NAA25: variants seen among roughly 807,000 people sequenced by gnomAD.
NAA25 encodes N-alpha-acetyltransferase 25, NatB auxiliary subunit.
NAA25 carries 30 observed loss-of-function variants against 132.5 expected under a neutral mutation model. That is an observed-to-expected ratio of 0.23 (90% CI 0.17 to 0.31). The LOEUF is 0.31. Among genes scored for constraint, NAA25 ranks in the 10% least tolerant of loss-of-function variants. The probability of loss-of-function intolerance (pLI) is 1.00; values close to 1 mark genes in which losing one functional copy is unlikely to be tolerated. For synonymous variants in NAA25, 359 were observed against 401.9 expected (o/e 0.89, Z 1.28); for missense variants, 771 against 1,150.4 (o/e 0.67, Z 4.77).
chr12:112,058,526 T>A (rs1304124038), intron 13 of NAA25, among the ~76,000 whole-genome samples: 1 of 152,210 alleles, frequency 6.6e-6, no homozygotes, highest in East Asian at 1.9e-4. Context: ...GACAGGGTCC[T>A]GCTCTGTCAC....
At chr12:112,085,504 T>C (rs1187386365) in intron 4 of NAA25, among the ~76,000 whole-genome samples, 3 of 152,098 alleles carry the variant, frequency 2.0e-5, no homozygotes, top group African/African-American at 4.8e-5. Context: ...AATTAACATA[T>C]ACTAGGAACA....
At chr12:112,074,791 A>C in intron 8 of NAA25, 27 bp from the exon 9 acceptor site, 2 of 1,440,678 alleles carry the variant, frequency 1.4e-6, no homozygotes, top group Non-Finnish European at 1.9e-6. Context: ...TGATGCACAC[A>C]GGATTAAACC....
intron 13 of NAA25, among the ~76,000 whole-genome samples, chr12:112,056,376 A>T (rs1269811282): frequency 1.3e-5 from 2 of 151,706 alleles, no homozygotes; most frequent in Non-Finnish European, 2.9e-5. Flanking sequence ...ATTTAAAAAA[A>T]TTTAAAATTA....
intron 5 of NAA25, among the ~76,000 whole-genome samples, chr12:112,080,198 G>A (rs545182820): frequency 1.4e-5 from 2 of 146,420 alleles, no homozygotes; most frequent in South Asian, 2.2e-4. Flanking sequence ...GGAGAATGGC[G>A]TAAACCTGGG....
chr12:112,054,808 T>A (rs1480649639), intron 13 of NAA25, among the ~76,000 whole-genome samples: 1 of 152,158 alleles, frequency 6.6e-6, no homozygotes, highest in Non-Finnish European at 1.5e-5. Flanking sequence ...AGATTTTAAG[T>A]GGCCAGGTCT....
Position 112,029,628 on chromosome 12 carries a change from A to G in NAA25, c.2822T>C (p.Val941Ala), listed in dbSNP as rs1487923328. ...SPEERKFSKT[V>A]QGKVQSSYLH... is the part of the protein sequence containing the mutation. ...ATAACTGCTCTGCACCTTCCCTTGC[A>G]CAGTCTTTGAAAATTTTCTCTCTTC... The change falls in exon 24 of 24, where the codon GTG (valine) becomes GCG (alanine). Residue 941 changes from valine to alanine, a missense_variant. Physicochemically the swap from Val to Ala is moderately conservative, Grantham distance 64 (BLOSUM62 0). Transcript: ENST00000261745. The G allele has an allele frequency of 1.2e-6, 2 of 1,613,562 alleles. No individual in the cohort carries two copies. Among genetic ancestry groups the G allele is most frequent in the East Asian group, 2.2e-5 (1 of 44,872 alleles).
rs199692990 is a variant in NAA25, at chr12:112,033,351, T to C, written c.2678A>G (p.Tyr893Cys). 181 of 1,611,714 alleles carry C rather than the reference T, an allele frequency of 1.1e-4. No homozygotes were observed. Among genetic ancestry groups the C allele is most frequent in the Non-Finnish European group, 1.5e-4 (175 of 1,179,084 alleles). Residue 893 changes from tyrosine to cysteine, a missense_variant, in exon 23 of 24, where the codon TAT becomes TGT. Tyr to Cys is a radical substitution (Grantham distance 194). This residue lies in a region of NAA25 where 324 missense variants were observed against 400.0 expected (regional missense o/e 0.81). Coordinates refer to ENST00000261745, the MANE Select transcript of NAA25 (RefSeq NM_024953.4). ...AATTAAAGTCTGAAGCCCAGTAACA[T>C]AGTCTTGGAAACTGGTAAAGACAGG... ...MPPVFTSFQDYVTGLQTLISN... is the reference protein window; with the variant it reads ...MPPVFTSFQDCVTGLQTLISN...
At chr12:112,053,678 G>C in intron 14 of NAA25, 21 bp from the exon 15 acceptor site, 1,753 of 1,315,432 alleles carry the variant, frequency 1.3e-3, no homozygotes, top group Non-Finnish European at 1.7e-3. Flanking sequence ...AGGAAAGAAG[G>C]AAAAAAAAAG....
At position 112,060,281 on chromosome 12, in the gene NAA25, C is replaced by G; in HGVS notation, c.1436G>C (p.Trp479Ser). The G allele has an allele frequency of 6.2e-7, 1 of 1,610,772 alleles. No individual in the cohort carries two copies. The highest frequency in any genetic ancestry group is 2.2e-5 in the East Asian group (1 of 44,804). ...LLAVHALIDV[W>S]RETGDETTVW... is the part of the protein sequence containing the mutation. ...TCACTGCTACTTACCTGTTTCCCTCCATACATCAATAAGCGCATGGACAGC... is the reference window on the plus strand; with the variant it reads ...TCACTGCTACTTACCTGTTTCCCTCGATACATCAATAAGCGCATGGACAGC... Residue 479 changes from tryptophan to serine, a missense_variant, in exon 13 of 24, where the codon TGG (tryptophan) becomes TCG (serine). Around this residue, in one of 3 missense-constraint regions of NAA25, gnomAD observed 417 missense variants for 733.8 expected, o/e 0.57. Coordinates refer to ENST00000261745, the MANE Select transcript of NAA25 (RefSeq NM_024953.4).
At chr12:112,076,130 A>T (rs1000946268) in intron 7 of NAA25, among the ~76,000 whole-genome samples, 13 of 152,088 alleles carry the variant, frequency 8.5e-5, no homozygotes, top group Non-Finnish European at 1.6e-4. Context: ...TGATCCACCC[A>T]TCCCAGCCTC....
At chr12:112,056,997 G>A (rs551855330) in intron 13 of NAA25, among the ~76,000 whole-genome samples, 11 of 152,164 alleles carry the variant, frequency 7.2e-5, no homozygotes, top group African/African-American at 2.2e-4. Context: ...AGACCAACCT[G>A]ACCAACATGG....
At chr12:112,104,963 G>A (rs530858370) in intron 1 of NAA25, among the ~76,000 whole-genome samples, 123 of 152,038 alleles carry the variant, frequency 8.1e-4, no homozygotes, top group Non-Finnish European at 1.5e-3. Flanking sequence ...GTTGCAGTGA[G>A]CCAAGATCGC....
At chr12:112,071,640 C>T (rs971417565) in intron 10 of NAA25, among the ~76,000 whole-genome samples, 3 of 152,186 alleles carry the variant, frequency 2.0e-5, no homozygotes, top group Non-Finnish European at 4.4e-5. Context: ...CTGATTTTGA[C>T]TTTATTGTTG....
At position 112,028,105 on chromosome 12, in the gene NAA25, T is replaced by C. The variant is rs1470855589; in HGVS notation, c.*1426A>G. On this transcript the variant is annotated 3_prime_UTR_variant, in exon 24 of 24. Transcript: ENST00000261745. ...GCAATTACTTTGCGTACACAGATAT[T>C]CCCAGCTCTCTTGGTTGCTTTTAAA... 3 of 152,182 alleles carry C rather than the reference T, an allele frequency of 2.0e-5. No individual in the cohort carries two copies. The highest frequency in any genetic ancestry group is 7.2e-5 in the African/African-American group (3 of 41,446). The allele number at this position is 152,182 out of a possible 1,614,324, so 9.4% of individuals were successfully genotyped here.
At chr12:112,044,875 T>TAA (rs879272275) in intron 17 of NAA25, among the ~76,000 whole-genome samples, 16 of 106,966 alleles carry the variant, frequency 1.5e-4, no homozygotes, top group African/African-American at 4.2e-4. Context: ...ACCCAGTCTC[T>TAA]AAAAAAAAAA....
At chr12:112,040,699 A>C (rs917762004) in intron 20 of NAA25, 121 bp from the exon 21 acceptor site, 1 of 609,876 alleles carries the variant, frequency 1.6e-6, no homozygotes, top group African/African-American at 1.9e-5. Flanking sequence ...TTTGTTTTTC[A>C]TTTTCCATAA....
chr12:112,034,330 T>A (rs2078193325), intron 22 of NAA25: 2 of 151,532 alleles, frequency 1.3e-5, no homozygotes. Context: ...AAACCCCATC[T>A]CTACTAAAAA....
intron 10 of NAA25, among the ~76,000 whole-genome samples, chr12:112,070,002 C>T (rs545882683): frequency 1.3e-5 from 2 of 151,974 alleles, no homozygotes; most frequent in African/African-American, 2.4e-5. Flanking sequence ...GTGGCGATCG[C>T]CTGTAATCCC....
At chr12:112,069,396 T>C (rs1406003826) in intron 10 of NAA25, among the ~76,000 whole-genome samples, 4 of 151,892 alleles carry the variant, frequency 2.6e-5, no homozygotes, top group Non-Finnish European at 5.9e-5. Context: ...CCCAACTGCT[T>C]GAGAGGATAA....
Sources: gnomAD v4.1 joint callset for allele counts (sites outside exome capture counted in the v4.1 genomes callset) on GRCh38, gnomAD v4.1.1 for gene constraint, gnomAD v4.1.1 regional missense constraint, MANE v1.5 for transcripts, NCBI Gene and HGNC (gene_info 2026-07-23, HGNC 2026-07-21) for gene names.